The following ELAVL4 variants were observed in gnomAD, a reference collection of about 807,000 sequenced individuals.
ELAVL4 encodes the protein ELAV-like protein 4.
Under a neutral mutation model 35.6 loss-of-function variants are expected in ELAVL4, and 1 was observed. That is an observed-to-expected ratio of 0.03 (90% CI 0.01 to 0.13). ELAVL4 has a LOEUF of 0.13. Ranked by LOEUF, ELAVL4 falls within the 10% of genes least tolerant of loss-of-function variation. ELAVL4 has a pLI of 1.00. For missense variants in ELAVL4, 267 were observed against 464.9 expected (o/e 0.57, Z 3.91); for synonymous variants, 156 against 171.0 (o/e 0.91, Z 0.69).
intron 1 of ELAVL4, among the ~76,000 whole-genome samples, chr1:50,123,536 T>C (rs571786937): frequency 1.3e-5 from 2 of 152,182 alleles, no homozygotes; most frequent in East Asian, 3.9e-4. Flanking sequence ...TTGTGTTTCA[T>C]GGAGAAACAG....
At chr1:50,162,848 T>C (rs1677041077) in intron 2 of ELAVL4, among the ~76,000 whole-genome samples, 1 of 151,766 alleles carries the variant, frequency 6.6e-6, no homozygotes, top group African/African-American at 2.4e-5. Context: ...CCTCCCAAAG[T>C]GCCAGGATTA....
chr1:50,185,723 G>A (rs1681715575), intron 3 of ELAVL4, among the ~76,000 whole-genome samples: 1 of 152,228 alleles, frequency 6.6e-6, no homozygotes, highest in Admixed American at 6.5e-5. Flanking sequence ...TACATGAGGA[G>A]AGGGGGGGAC....
At chr1:50,152,960 C>T (rs1382001344) in intron 2 of ELAVL4, among the ~76,000 whole-genome samples, 1 of 152,188 alleles carries the variant, frequency 6.6e-6, no homozygotes, top group African/African-American at 2.4e-5. Context: ...TCCTTCCCTT[C>T]TCTGAAATTC....
intron 1 of ELAVL4, among the ~76,000 whole-genome samples, chr1:50,082,798 A>G (rs1665068649): frequency 6.6e-6 from 1 of 152,182 alleles, no homozygotes; most frequent in Non-Finnish European, 1.5e-5. Flanking sequence ...TAACTATGGA[A>G]CAGACTTTCT....
intron 1 of ELAVL4, among the ~76,000 whole-genome samples, chr1:50,119,952 G>A (rs146945274): frequency 2.0e-5 from 3 of 151,474 alleles, no homozygotes; most frequent in Admixed American, 6.6e-5. Flanking sequence ...AGAAGTCTTC[G>A]CTCCAGAGTG....
intron 6 of ELAVL4, among the ~76,000 whole-genome samples, chr1:50,199,074 G>A (rs1644241504): frequency 6.9e-6 from 1 of 144,634 alleles, no homozygotes; most frequent in Non-Finnish European, 1.5e-5. Flanking sequence ...ACATGGATTT[G>A]CACGTCTAAG....
chr1:50,083,700 A>G (rs1665109394), intron 1 of ELAVL4, among the ~76,000 whole-genome samples: 1 of 152,174 alleles, frequency 6.6e-6, no homozygotes, highest in Non-Finnish European at 1.5e-5. Context: ...CACAGCTGCT[A>G]TTTTCCCACT....
Position 50,203,658 on chromosome 1 carries a change from G to A in ELAVL4, c.*2480G>A, listed in dbSNP as rs989141665. 1.3e-5 allele frequency: 2 copies of A among 152,028 alleles called. No individual in the cohort carries two copies. Among genetic ancestry groups the A allele is most frequent in the African/African-American group, 4.8e-5 (2 of 41,398 alleles). The allele number at this position is 152,028 out of a possible 1,614,324, so 9.4% of individuals were successfully genotyped here. ...GAATGACTTCATGTTAATCTTGCTAGTTTAGATGATTTCCAAGGGAAAGTA... is the reference window on the plus strand; with the variant it reads ...GAATGACTTCATGTTAATCTTGCTAATTTAGATGATTTCCAAGGGAAAGTA... On this transcript the variant is annotated 3_prime_UTR_variant, in exon 7 of 7. Transcript: ENST00000371824.
intron 1 of ELAVL4, among the ~76,000 whole-genome samples, chr1:50,112,759 T>C (rs1667283648): frequency 6.6e-6 from 1 of 152,158 alleles, no homozygotes; most frequent in African/African-American, 2.4e-5. Context: ...CATTCATTTT[T>C]ACCTGCCATT....
chr1:50,137,136 T>G (rs990877829), intron 1 of ELAVL4, among the ~76,000 whole-genome samples: 1 of 152,134 alleles, frequency 6.6e-6, no homozygotes, highest in Non-Finnish European at 1.5e-5. Flanking sequence ...ACTGAAGTAT[T>G]CCAAAAATGT....
At chr1:50,048,317 G>C (rs1298578571) in intron 1 of ELAVL4, 36 of 1,193,576 alleles carry the variant, frequency 3.0e-5, no homozygotes, top group Non-Finnish European at 3.9e-5. Context: ...GGGAGGGGGA[G>C]AGGGCCCTTG....
chr1:50,063,792 G>A (rs1264824149), intron 1 of ELAVL4, among the ~76,000 whole-genome samples: 1 of 151,996 alleles, frequency 6.6e-6, no homozygotes, highest in Non-Finnish European at 1.5e-5. Context: ...CCTTTTCTCA[G>A]ACTGTTAAAT....
chr1:50,102,296 T>TAATAAAATAAAATAAAATAAAATAA (rs150940225), upstream of ELAVL4, among the ~76,000 whole-genome samples: 51 of 139,094 alleles, frequency 3.7e-4, no homozygotes, highest in African/African-American at 1.3e-3. Context: ...AAAAATAAAA[T>TAATAAAATAAAATAAAATAAAATAA]AATAAAATAA....
intron 3 of ELAVL4, among the ~76,000 whole-genome samples, chr1:50,182,571 G>A (rs1042296328): frequency 6.6e-6 from 1 of 152,168 alleles, no homozygotes; most frequent in African/African-American, 2.4e-5. Context: ...GCTGTGCAAG[G>A]TTTGAGTGAG....
chr1:50,151,719 T>G (rs1393171738), intron 2 of ELAVL4, among the ~76,000 whole-genome samples: 3 of 152,210 alleles, frequency 2.0e-5, no homozygotes, highest in African/African-American at 2.4e-5. Context: ...TCTCCTGATT[T>G]CAGAGGAAAA....
intron 1 of ELAVL4, among the ~76,000 whole-genome samples, chr1:50,131,896 A>C (rs575641397): frequency 1.2e-4 from 18 of 152,096 alleles, no homozygotes; most frequent in African/African-American, 4.3e-4. Context: ...TAAAAAAAAA[A>C]AAAAAACCAG....
intron 1 of ELAVL4, among the ~76,000 whole-genome samples, chr1:50,077,707 T>C (rs1467253405): frequency 6.6e-6 from 1 of 152,214 alleles, no homozygotes; most frequent in Non-Finnish European, 1.5e-5. Context: ...TAAAATACTG[T>C]ACACATGAAA....
chr1:50,083,638 G>A (rs559126894), intron 1 of ELAVL4, among the ~76,000 whole-genome samples: 30 of 152,206 alleles, frequency 2.0e-4, no homozygotes, highest in African/African-American at 7.2e-4. Flanking sequence ...AATTTGGGGA[G>A]AAAACTCCAT....
chr1:50,081,947 G>T (rs1572144976), intron 1 of ELAVL4, among the ~76,000 whole-genome samples: 1 of 152,200 alleles, frequency 6.6e-6, no homozygotes, highest in East Asian at 1.9e-4. Context: ...TTCTGTTCCT[G>T]TGTTAGTTTG....
Sources: gnomAD v4.1 joint callset for allele counts (sites outside exome capture counted in the v4.1 genomes callset) on GRCh38, gnomAD v4.1.1 for gene constraint, MANE v1.5 for transcripts, NCBI Gene and HGNC (gene_info 2026-07-23, HGNC 2026-07-21) for gene names.